Variants in AP2B1 observed in about 807,000 individuals in gnomAD.
AP2B1 encodes the protein adaptor related protein complex 2 subunit beta 1.
In AP2B1, 23 loss-of-function variants were observed where a neutral mutation model predicts 102.0. The observed-to-expected ratio is 0.23, with a 90% CI of 0.16 to 0.32. AP2B1 has a LOEUF of 0.32. AP2B1 is among the 10% of genes least tolerant of loss of function. AP2B1 has a pLI of 1.00. For missense variants in AP2B1, 541 were observed against 1,157.4 expected, an observed-to-expected ratio of 0.47 and a Z score of 7.73; for synonymous variants, 381 against 421.2, an observed-to-expected ratio of 0.90 and a Z score of 1.17.
chr17:35,723,131 A>AG (rs1345233379), intron 21 of AP2B1, among the ~76,000 whole-genome samples: 26 of 152,340 alleles, frequency 1.7e-4, no homozygotes, highest in Admixed American at 7.8e-4. Context: ...TAATACAGAA[A>AG]GGACTAATAC....
chr17:35,599,561 G>C (rs1002384129), intron 3 of AP2B1, among the ~76,000 whole-genome samples: 1 of 152,124 alleles, frequency 6.6e-6, no homozygotes, highest in Non-Finnish European at 1.5e-5. Context: ...CAAATGACCA[G>C]AGCATATGTA....
chr17:35,663,765 G>C (rs998163480), intron 14 of AP2B1, among the ~76,000 whole-genome samples: 1 of 152,188 alleles, frequency 6.6e-6, no homozygotes, highest in Admixed American at 6.5e-5. Flanking sequence ...TGCTTGCCCT[G>C]GGCCTCTTGA....
intron 14 of AP2B1, among the ~76,000 whole-genome samples, chr17:35,661,925 T>A (rs773256813): frequency 1.6e-4 from 25 of 152,188 alleles, no homozygotes; most frequent in Non-Finnish European, 2.9e-4. Context: ...TTAACAGTAT[T>A]TACTTTTGCT....
chr17:35,637,555 TTAG>T (rs1485334192), intron 10 of AP2B1, among the ~76,000 whole-genome samples: 2 of 152,170 alleles, frequency 1.3e-5, no homozygotes, highest in African/African-American at 4.8e-5. Flanking sequence ...GGCTCAAGAA[TTAG>T]TAGATATATT....
intron 18 of AP2B1, among the ~76,000 whole-genome samples, chr17:35,689,178 G>T (rs1483238820): frequency 6.6e-6 from 1 of 152,024 alleles, no homozygotes; most frequent in African/African-American, 2.4e-5. Context: ...ATTTTAGTAT[G>T]TCTCGTATTT....
intron 5 of AP2B1, among the ~76,000 whole-genome samples, chr17:35,612,502 T>C (rs1189313492): frequency 6.6e-6 from 1 of 152,218 alleles, no homozygotes; most frequent in African/African-American, 2.4e-5. Flanking sequence ...TCCCTACTTA[T>C]TACCTTAGAG....
At chr17:35,633,668 A>G (rs911330581) in intron 9 of AP2B1, among the ~76,000 whole-genome samples, 4 of 152,170 alleles carry the variant, frequency 2.6e-5, no homozygotes, top group Non-Finnish European at 5.9e-5. Context: ...CAAATCCCAT[A>G]TATCATCTTA....
chr17:35,707,446 C>T (rs1238193977), intron 18 of AP2B1, among the ~76,000 whole-genome samples: 2 of 128,044 alleles, frequency 1.6e-5, no homozygotes, highest in African/African-American at 3.0e-5. Flanking sequence ...CCACCGTGCC[C>T]GGCTTCCCCC....
At chr17:35,684,881 A>C (rs1201693545) in intron 18 of AP2B1, among the ~76,000 whole-genome samples, 1 of 152,204 alleles carries the variant, frequency 6.6e-6, no homozygotes, top group East Asian at 1.9e-4. Context: ...TTCTGCTCTT[A>C]AAATGAAAAG....
intron 14 of AP2B1, 107 bp from the exon 15 acceptor site, chr17:35,670,750 G>GT: frequency 8.7e-7 from 1 of 1,143,476 alleles, no homozygotes. Flanking sequence ...TGAATGGCAT[G>GT]TATTTCCAGC....
chr17:35,636,509 A>G (rs1484112861), intron 10 of AP2B1, 53 bp downstream of exon 10: 25 of 1,409,728 alleles, frequency 1.8e-5, no homozygotes, highest in Non-Finnish European at 2.4e-5. Context: ...GAAATGTTTA[A>G]GGCACTTTGA....
chr17:35,706,737 T>C (rs1186874301), intron 18 of AP2B1, among the ~76,000 whole-genome samples: 2 of 151,744 alleles, frequency 1.3e-5, no homozygotes, highest in African/African-American at 4.8e-5. Flanking sequence ...GCCTCCCGGG[T>C]TCAAGTGATT....
chr17:35,652,660 G>A (rs945563591), intron 13 of AP2B1, among the ~76,000 whole-genome samples: 13 of 152,092 alleles, frequency 8.5e-5, no homozygotes, highest in Admixed American at 2.0e-4. Flanking sequence ...TTTCCATTGA[G>A]AAAGATGTAT....
chr17:35,655,526 A>G (rs913627412), intron 13 of AP2B1, among the ~76,000 whole-genome samples: 9 of 152,318 alleles, frequency 5.9e-5, no homozygotes, highest in Admixed American at 2.0e-4. Context: ...GGTGTGTAGT[A>G]TTCCATTCCA....
At chr17:35,652,913 A>G (rs928326344) in intron 13 of AP2B1, among the ~76,000 whole-genome samples, 5 of 152,122 alleles carry the variant, frequency 3.3e-5, no homozygotes, top group African/African-American at 1.2e-4. Flanking sequence ...GAAAGATTTT[A>G]TTTATTTCTT....
intron 9 of AP2B1, among the ~76,000 whole-genome samples, chr17:35,635,066 GT>G (rs1324916625): frequency 6.6e-6 from 1 of 151,584 alleles, no homozygotes; most frequent in Non-Finnish European, 1.5e-5. Flanking sequence ...TTTTGGTGGG[GT>G]TGGGGGCATA....
chr17:35,627,275 A>ATGT, intron 7 of AP2B1, 110 bp from the exon 8 acceptor site: 1 of 211,170 alleles, frequency 4.7e-6, no homozygotes, highest in Non-Finnish European at 8.2e-6. Flanking sequence ...TTTTTGCCTG[A>ATGT]GTGGAGCGAG....
intron 17 of AP2B1, among the ~76,000 whole-genome samples, chr17:35,680,693 T>TTTG (rs773268317): frequency 0.041 from 2,345 of 57,060 alleles, 65 homozygotes; most frequent in East Asian, 0.27. Context: ...TTGGTTTTTT[T>TTTG]TTTTTTGTTT....
chr17:35,627,266 T>TTTC (rs2074342441), intron 7 of AP2B1, 119 bp from the exon 8 acceptor site: 1 of 501,268 alleles, frequency 2.0e-6, no homozygotes, highest in South Asian at 4.9e-5. Flanking sequence ...TTTTTTTTTT[T>TTTC]TTTGCCTGAG....
Sources: gnomAD v4.1 joint callset for allele counts (sites outside exome capture counted in the v4.1 genomes callset) on GRCh38, gnomAD v4.1.1 for gene constraint, MANE v1.5 for transcripts, NCBI Gene and HGNC (gene_info 2026-07-23, HGNC 2026-07-21) for gene names.